The following SCN11A variants were observed in gnomAD, a reference collection of about 807,000 sequenced individuals.
SCN11A encodes the protein sodium voltage-gated channel alpha subunit 11.
Under a neutral mutation model 162.2 loss-of-function variants are expected in SCN11A, and 122 were observed. The ratio of observed to expected loss-of-function variants is 0.75; its 90% confidence interval spans 0.65 to 0.87. SCN11A has a LOEUF of 0.87. Ranked by LOEUF, SCN11A falls within the 40% of genes least tolerant of loss-of-function variation. SCN11A has a pLI of 0.00. For synonymous variants in SCN11A, 758 were observed against 751.5 expected (o/e 1.01, Z -0.14); for missense variants, 2,015 against 2,181.6 (o/e 0.92, Z 1.52).
chr3:38,992,343 A>G (rs1408930522), intron 2 of SCN11A, among the ~76,000 whole-genome samples: 1 of 152,188 alleles, frequency 6.6e-6, no homozygotes, highest in Non-Finnish European at 1.5e-5. Context: ...GCAGCTCAAC[A>G]CTCAATCCTC....
At chr3:38,856,321 G>C (rs920607171) in intron 28 of SCN11A, among the ~76,000 whole-genome samples, 1 of 152,096 alleles carries the variant, frequency 6.6e-6, no homozygotes, top group South Asian at 2.1e-4. Flanking sequence ...GGGTGAGTGC[G>C]GCCCCAGAGA....
intron 1 of SCN11A, among the ~76,000 whole-genome samples, chr3:39,039,032 A>AT (rs570812600): frequency 6.7e-4 from 102 of 151,964 alleles, no homozygotes; most frequent in Non-Finnish European, 1.2e-3. Context: ...CAGCAGAACT[A>AT]TTTTTTTTGC....
intron 2 of SCN11A, among the ~76,000 whole-genome samples, chr3:39,014,223 C>A (rs566509270): frequency 7.2e-5 from 11 of 152,116 alleles, no homozygotes; most frequent in Admixed American, 7.2e-4. Flanking sequence ...CCAGGGAATT[C>A]GTGATTCCAG....
chr3:39,050,645 C>T (rs2032321159), intron 1 of SCN11A, among the ~76,000 whole-genome samples: 1 of 152,142 alleles, frequency 6.6e-6, no homozygotes, highest in Non-Finnish European at 1.5e-5. Context: ...TATATACTAG[C>T]ACTATGCAAC....
At chr3:39,036,857 C>T (rs1182597908) in intron 1 of SCN11A, among the ~76,000 whole-genome samples, 5 of 152,172 alleles carry the variant, frequency 3.3e-5, no homozygotes, top group African/African-American at 1.2e-4. Flanking sequence ...AAAGGGAACC[C>T]TCATATACTG....
At position 38,850,599 on chromosome 3, in the gene SCN11A, C is replaced by CA; in HGVS notation, c.4208_4209insT (p.Trp1403CysfsTer31). The CA allele has an allele frequency of 6.2e-7, 1 of 1,613,676 alleles. No individual in the cohort carries two copies. The highest frequency in any genetic ancestry group is 1.7e-5 in the Admixed American group (1 of 59,984). On this transcript the variant is annotated frameshift_variant, in exon 29 of 30. Coordinates refer to ENST00000302328, the MANE Select transcript of SCN11A (RefSeq NM_001349253.2). LOFTEE classifies it high-confidence loss of function. ...CTAACGTAAAGATGACCACAAAGACCCAGTTGAGATGGTCAAGGATGGATT... is the reference window on the plus strand; with the variant it reads ...CTAACGTAAAGATGACCACAAAGACCACAGTTGAGATGGTCAAGGATGGATT...
chr3:38,901,803 G>GTT (rs1450137517), intron 16 of SCN11A, among the ~76,000 whole-genome samples: 2 of 152,222 alleles, frequency 1.3e-5, no homozygotes, highest in Non-Finnish European at 2.9e-5. Flanking sequence ...CACAAGCTAT[G>GTT]TGTATGGTTC....
Position 38,921,617 on chromosome 3 carries a change from A to G in SCN11A, c.713-362T>C, listed in dbSNP as rs183724525. Among the ~76,000 whole-genome samples, 411 of 152,292 alleles carry G rather than the reference A, an allele frequency of 2.7e-3. 1 individual carries two copies. The highest frequency in any genetic ancestry group is 3.8e-3 in the Non-Finnish European group (257 of 68,012). On this transcript the variant is annotated intron_variant, in intron 9 of 29. Coordinates refer to ENST00000302328, the MANE Select transcript of SCN11A (RefSeq NM_001349253.2). Reference sequence around the variant, plus strand: ...ACCTAAGCTGGGGCCACACTAGAGAATGAGATAGACCTGTATTTAACATTT... The same window carrying G: ...ACCTAAGCTGGGGCCACACTAGAGAGTGAGATAGACCTGTATTTAACATTT...
intron 21 of SCN11A, among the ~76,000 whole-genome samples, chr3:38,884,008 C>T (rs2065353347): frequency 6.6e-6 from 1 of 152,178 alleles, no homozygotes; most frequent in Non-Finnish European, 1.5e-5. Flanking sequence ...AGCATTTGTT[C>T]TGAACACACA....
intron 19 of SCN11A, among the ~76,000 whole-genome samples, chr3:38,893,485 T>C (rs1206516341): frequency 6.6e-6 from 1 of 152,026 alleles, no homozygotes; most frequent in Non-Finnish European, 1.5e-5. Context: ...AACAGGGAAA[T>C]GGAAGATTTG....
chr3:38,904,657 T>C (rs1177001167), intron 15 of SCN11A, among the ~76,000 whole-genome samples: 1 of 152,020 alleles, frequency 6.6e-6, no homozygotes, highest in African/African-American at 2.4e-5. Context: ...AGAGGACCTA[T>C]TTGACCCCCC....
At chr3:38,888,586 T>G (rs1283588774) in intron 19 of SCN11A, among the ~76,000 whole-genome samples, 2 of 152,206 alleles carry the variant, frequency 1.3e-5, no homozygotes, top group African/African-American at 4.8e-5. Context: ...ATAAAGAAGT[T>G]ACATAGAGTT....
At chr3:38,938,508 T>A (rs116207020) in intron 7 of SCN11A, among the ~76,000 whole-genome samples, 1,204 of 71,012 alleles carry the variant, frequency 0.017, 23 homozygotes, top group African/African-American at 0.049. Context: ...AGGAAAAATA[T>A]CATATATATA....
chr3:38,934,465 G>C (rs2066296226), intron 7 of SCN11A, among the ~76,000 whole-genome samples: 1 of 152,166 alleles, frequency 6.6e-6, no homozygotes, highest in African/African-American at 2.4e-5. Flanking sequence ...TCAGTGTGCT[G>C]TATTCAGGAA....
chr3:38,921,630 GT>G (rs1374200335), intron 9 of SCN11A, among the ~76,000 whole-genome samples: 1 of 152,122 alleles, frequency 6.6e-6, no homozygotes, highest in Non-Finnish European at 1.5e-5. Flanking sequence ...AGATAGACCT[GT>G]ATTTAACATT....
intron 22 of SCN11A, among the ~76,000 whole-genome samples, chr3:38,882,451 T>C (rs1286498957): frequency 6.6e-6 from 1 of 152,152 alleles, no homozygotes; most frequent in African/African-American, 2.4e-5. Flanking sequence ...GTAAGAGAAT[T>C]TGGTTCCCTA....
intron 22 of SCN11A, among the ~76,000 whole-genome samples, chr3:38,881,285 C>T (rs571811083): frequency 2.0e-5 from 3 of 152,324 alleles, no homozygotes; most frequent in Middle Eastern, 6.8e-3. Flanking sequence ...CTATCTTGAT[C>T]TATACTTTCT....
Position 38,883,392 on chromosome 3 carries a change from A to C in SCN11A, c.3065-5T>G. On this transcript the variant is annotated splice_region_variant and splice_polypyrimidine_tract_variant and intron_variant, in intron 21 of 29. Transcript: ENST00000302328. ...ATGGAAAGCAGCAACCAAAGCCTGAAAGGAATTAATGGTAGCACTATCATT... is the reference window on the plus strand; with the variant it reads ...ATGGAAAGCAGCAACCAAAGCCTGACAGGAATTAATGGTAGCACTATCATT... The C allele has an allele frequency of 6.2e-7, 1 of 1,611,430 alleles. No individual in the cohort carries two copies. The highest frequency in any genetic ancestry group is 8.5e-7 in the Non-Finnish European group (1 of 1,178,930).
At chr3:38,848,866 A>G (rs750124564) in intron 29 of SCN11A, among the ~76,000 whole-genome samples, 2 of 152,160 alleles carry the variant, frequency 1.3e-5, no homozygotes, top group Non-Finnish European at 2.9e-5. Flanking sequence ...ACTCACACTC[A>G]TTTTGCATTT....
Sources: allele counts gnomAD v4.1 joint callset (sites outside exome capture counted in the v4.1 genomes callset), GRCh38; gene constraint gnomAD v4.1.1; transcripts MANE v1.5; gene names NCBI Gene and HGNC (gene_info 2026-07-23, HGNC 2026-07-21).